The following SP2 variants were observed in gnomAD, a reference collection of about 807,000 sequenced individuals.
SP2 encodes Sp2 transcription factor, also known as transcription factor Sp2.
SP2 carries 9 observed loss-of-function variants against 50.1 expected under a neutral mutation model. The ratio of observed to expected loss-of-function variants is 0.18; its 90% CI spans 0.11 to 0.31. SP2 has a LOEUF of 0.31. Among genes scored for constraint, SP2 ranks in the 10% least tolerant of loss-of-function variants. SP2 has a pLI of 1.00. For synonymous variants in SP2, 313 were observed against 326.6 expected (o/e 0.96, Z 0.45); for missense variants, 581 against 806.5 (o/e 0.72, Z 3.39).
rs2035191875 is a variant in SP2 at position 47,916,109 on chromosome 17, CA to C, written c.85-46del. ...AGGATCATGGACAGAGGCGGCCGGGCAGCGGGCCTTCCTGTCTCACTCCTTT... is the reference window on the plus strand; with the variant it reads ...AGGATCATGGACAGAGGCGGCCGGGCGCGGGCCTTCCTGTCTCACTCCTTT... On this transcript the variant is annotated intron_variant, in intron 2 of 6. Coordinates refer to ENST00000376741, the MANE Select transcript of SP2 (RefSeq NM_003110.6). The surrounding 1 kb of genome is among the most constrained non-coding windows in gnomAD (Gnocchi z 4.7). The C allele has an allele frequency of 6.4e-7, 1 of 1,556,658 alleles. No individual in the cohort carries two copies. The highest frequency in any genetic ancestry group is 8.7e-7 in the Non-Finnish European group (1 of 1,151,694).
intron 3 of SP2, among the ~76,000 whole-genome samples, chr17:47,920,318 C>A (rs1301110462): frequency 1.2e-4 from 17 of 145,150 alleles, no homozygotes; most frequent in African/African-American, 4.1e-4. Flanking sequence ...GAGACGAAGT[C>A]TCACTCTGTC....
intron 1 of SP2, among the ~76,000 whole-genome samples, chr17:47,900,870 G>A (rs1472962927): frequency 2.6e-5 from 4 of 152,168 alleles, no homozygotes; most frequent in African/African-American, 9.7e-5. Flanking sequence ...TTCTTTAGGG[G>A]AAAAAGTATA....
Position 47,916,993 on chromosome 17 carries a change from G to A in SP2, c.922G>A (p.Ala308Thr). The A allele has an allele frequency of 6.2e-7, 1 of 1,614,168 alleles. No homozygotes were observed. Among genetic ancestry groups the A allele is most frequent in the South Asian group, 1.1e-5 (1 of 91,076 alleles). Residue 308 changes from alanine (A) to threonine (T), a missense_variant, in exon 3 of 7, where the codon GCC becomes ACC. Around this residue, in one of 2 missense-constraint regions of SP2, gnomAD observed 397 missense variants for 491.0 expected, o/e 0.81. Coordinates refer to ENST00000376741, the MANE Select transcript of SP2 (RefSeq NM_003110.6). The surrounding 1 kb of genome is among the most constrained non-coding windows in gnomAD (Gnocchi z 4.7). Reference sequence around the variant, plus strand: ...GCAGGTCCAGGTGGTGCCCCCCAAGGCCGAGCAGCAGCAGGTGGTACAGAT... The same window carrying A: ...GCAGGTCCAGGTGGTGCCCCCCAAGACCGAGCAGCAGCAGGTGGTACAGAT... ...VQQVQVVPPK[A>T]EQQQVVQIPQ...
chr17:47,922,939 T>TC, intron 3 of SP2, 23 bp from the exon 4 acceptor site: 1 of 1,592,382 alleles, frequency 6.3e-7, no homozygotes, highest in Non-Finnish European at 8.6e-7. Context: ...AGGCACTGAT[T>TC]TTTTTTCTCT....
At chr17:47,915,235 AAAG>A (rs2035146481) in intron 1 of SP2, 74 bp from the exon 2 acceptor site, 3 of 1,102,132 alleles carry the variant, frequency 2.7e-6, no homozygotes, top group South Asian at 1.5e-5. Context: ...AAATAGAAAA[AAAG>A]AAAATCTGAG....
chr17:47,915,940 G>C (rs369479947), intron 2 of SP2, among the ~76,000 whole-genome samples: 14 of 152,218 alleles, frequency 9.2e-5, no homozygotes, highest in African/African-American at 3.4e-4. Context: ...GTTCCTTCCT[G>C]AGAAAGACAT....
At chr17:47,927,281 C>G (rs1467327507) in intron 6 of SP2, among the ~76,000 whole-genome samples, 3 of 151,930 alleles carry the variant, frequency 2.0e-5, no homozygotes, top group Non-Finnish European at 4.4e-5. Context: ...TGCCTGTAAT[C>G]CCAGCACTTT....
At chr17:47,927,214 G>A (rs963285882) in intron 6 of SP2, among the ~76,000 whole-genome samples, 4 of 152,144 alleles carry the variant, frequency 2.6e-5, no homozygotes, top group African/African-American at 9.7e-5. Flanking sequence ...GGGGGTCAGA[G>A]AGAAATGAGA....
chr17:47,919,664 C>T (rs1482586613), intron 3 of SP2, among the ~76,000 whole-genome samples: 3 of 151,870 alleles, frequency 2.0e-5, no homozygotes, highest in Non-Finnish European at 4.4e-5. Flanking sequence ...ATCGTCAAAC[C>T]CAGGAAATTA....
chr17:47,927,688 C>T, intron 6 of SP2, 36 bp from the exon 7 acceptor site: 1 of 1,437,836 alleles, frequency 7.0e-7, no homozygotes, highest in Non-Finnish European at 9.6e-7. Context: ...GGTCTGTGCA[C>T]AGGGTCTGTG....
At chr17:47,904,658 A>G (rs182096023) in intron 1 of SP2, among the ~76,000 whole-genome samples, 83 of 152,326 alleles carry the variant, frequency 5.4e-4, no homozygotes, top group African/African-American at 1.9e-3. Context: ...GGCCTGTGGC[A>G]TTAGCAAGCC....
chr17:47,911,799 C>T (rs1252483945), intron 1 of SP2, among the ~76,000 whole-genome samples: 5 of 147,252 alleles, frequency 3.4e-5, no homozygotes, highest in Non-Finnish European at 7.5e-5. Flanking sequence ...AGCGAGACTC[C>T]GTCTCAAAAA....
At chr17:47,902,797 G>A (rs558608478) in intron 1 of SP2, among the ~76,000 whole-genome samples, 26 of 152,130 alleles carry the variant, frequency 1.7e-4, no homozygotes, top group Admixed American at 1.1e-3. Flanking sequence ...CTCCTGTCAC[G>A]CAGGCTGGAG....
downstream of SP2, chr17:47,929,676 C>T (rs944672821): frequency 6.6e-6 from 1 of 152,634 alleles, no homozygotes; most frequent in Non-Finnish European, 1.5e-5. Flanking sequence ...AATAGGAACT[C>T]AGGGGTTGCG....
At chr17:47,915,086 G>A (rs61216788) in intron 1 of SP2, among the ~76,000 whole-genome samples, 3 of 151,986 alleles carry the variant, frequency 2.0e-5, no homozygotes, top group African/African-American at 4.8e-5. Context: ...TGGTGGCAGC[G>A]CCTGTAATCC....
At chr17:47,913,384 CT>C (rs2035067049) in intron 1 of SP2, among the ~76,000 whole-genome samples, 1 of 152,044 alleles carries the variant, frequency 6.6e-6, no homozygotes, top group African/African-American at 2.4e-5. Context: ...CTTTTTGTCT[CT>C]TTTAGTCTTT....
At chr17:47,914,329 C>T (rs1437925859) in intron 1 of SP2, among the ~76,000 whole-genome samples, 1 of 151,850 alleles carries the variant, frequency 6.6e-6, no homozygotes, top group African/African-American at 2.4e-5. Flanking sequence ...CAGGATCGTG[C>T]CATTGCACTC....
In SP2 at chr17:47,917,047, G is replaced by A; in HGVS notation, c.976G>A (p.Ala326Thr). 1 of 1,614,026 alleles carries A rather than the reference G, an allele frequency of 6.2e-7. No individual in the cohort carries two copies. The highest frequency in any genetic ancestry group is 1.7e-5 in the Admixed American group (1 of 60,034). ...CCAGCAGGCTCTGCGGGTGGTGCAGGCGGCATCTGCCACCCTCCCCACTGT... is the reference window on the plus strand; with the variant it reads ...CCAGCAGGCTCTGCGGGTGGTGCAGACGGCATCTGCCACCCTCCCCACTGT... ...IPQQALRVVQ[A>T]ASATLPTVPQ... Residue 326 changes from alanine to threonine, a missense_variant, in exon 3 of 7, where the codon GCG becomes ACG. This residue lies in a region of SP2 where 397 missense variants were observed against 491.0 expected (regional missense o/e 0.81). Coordinates refer to ENST00000376741, the MANE Select transcript of SP2 (RefSeq NM_003110.6).
At position 47,925,295 on chromosome 17, in the gene SP2, G is replaced by A. The variant is rs1017232870; in HGVS notation, c.1548-53G>A. On this transcript the variant is annotated intron_variant, in intron 5 of 6. Coordinates refer to ENST00000376741, the MANE Select transcript of SP2 (RefSeq NM_003110.6). ...TCCTGTTCCTGCCCCATCCTCTACC[G>A]CTTTTCTCTCCTCTTCCTATTCCCT... is the stretch of plus-strand genomic sequence containing the variant. 16 of 1,540,040 alleles carry A rather than the reference G, an allele frequency of 1.0e-5. No individual in the cohort carries two copies. The East Asian group carries it at 2.3e-4, about 22-fold the overall frequency.
Sources: gnomAD v4.1 joint callset for allele counts (sites outside exome capture counted in the v4.1 genomes callset) on GRCh38, gnomAD v4.1.1 for gene constraint, gnomAD v4.1.1 regional missense constraint, Gnocchi (gnomAD v3.1) non-coding constraint, MANE v1.5 for transcripts, NCBI Gene and HGNC (gene_info 2026-07-23, HGNC 2026-07-21) for gene names.